The following MCTP1 variants were observed in gnomAD, a reference collection of about 807,000 sequenced individuals.
MCTP1 encodes the protein multiple C2 and transmembrane domain-containing protein 1.
Under a neutral mutation model 120.6 loss-of-function variants are expected in MCTP1, and 69 were observed. The observed-to-expected ratio is 0.57, with a 90% CI of 0.47 to 0.70. MCTP1 has a LOEUF of 0.70. MCTP1 is among the 30% of genes least tolerant of loss of function. MCTP1 has a pLI of 0.00. For synonymous variants in MCTP1, 529 were observed against 493.1 expected (o/e 1.07, Z -0.96); for missense variants, 1,203 against 1,248.8 (o/e 0.96, Z 0.55).
intron 1 of MCTP1, among the ~76,000 whole-genome samples, chr5:95,069,731 C>T: frequency 7.0e-6 from 1 of 142,040 alleles, no homozygotes; most frequent in South Asian, 2.2e-4. Context: ...CAAAGTCTTG[C>T]TTTGTCGCCC....
chr5:94,799,999 A>C (rs1780866801), intron 17 of MCTP1, among the ~76,000 whole-genome samples: 1 of 152,146 alleles, frequency 6.6e-6, no homozygotes, highest in African/African-American at 2.4e-5. Flanking sequence ...GGTAATGTTA[A>C]GTCAGGAGGC....
At chr5:95,202,381 C>G (rs991280505) in intron 1 of MCTP1, among the ~76,000 whole-genome samples, 7 of 152,132 alleles carry the variant, frequency 4.6e-5, no homozygotes, top group African/African-American at 1.7e-4. Context: ...TAAACTGAGC[C>G]ACACTACTGG....
At chr5:94,820,476 C>T (rs2153099809) in intron 17 of MCTP1, among the ~76,000 whole-genome samples, 1 of 152,300 alleles carries the variant, frequency 6.6e-6, no homozygotes, top group South Asian at 2.1e-4. Context: ...AAAATAATCA[C>T]AGTCATGCTC....
At chr5:94,783,659 T>C (rs974495083) in intron 18 of MCTP1, among the ~76,000 whole-genome samples, 3 of 152,078 alleles carry the variant, frequency 2.0e-5, no homozygotes, top group African/African-American at 7.2e-5. Flanking sequence ...CATTATGGGA[T>C]AGTGGATACT....
At chr5:95,139,467 C>A (rs1015226645) in intron 1 of MCTP1, among the ~76,000 whole-genome samples, 4 of 152,318 alleles carry the variant, frequency 2.6e-5, no homozygotes, top group South Asian at 2.1e-4. Flanking sequence ...GTTGCAATAT[C>A]TTTGCCTCTC....
chr5:94,725,124 AAAGCACAAGAAAATGTGG>A (rs1761846129), intron 19 of MCTP1, among the ~76,000 whole-genome samples: 1 of 152,218 alleles, frequency 6.6e-6, no homozygotes, highest in South Asian at 2.1e-4. Flanking sequence ...GGTTGAAAAT[AAAGCACAAGAAAATGTGG>A]AAGCACACTC....
chr5:95,003,233 T>G (rs1402142686), intron 2 of MCTP1, among the ~76,000 whole-genome samples: 2 of 152,194 alleles, frequency 1.3e-5, no homozygotes, highest in East Asian at 3.9e-4. Flanking sequence ...TATACACAGA[T>G]GTACCATTTT....
intron 1 of MCTP1, among the ~76,000 whole-genome samples, chr5:95,089,756 G>A (rs1161324137): frequency 1.3e-5 from 2 of 152,100 alleles, no homozygotes; most frequent in Admixed American, 6.5e-5. Flanking sequence ...TCCAGAAACT[G>A]CCATCCTGAG....
chr5:95,036,819 A>C (rs1841390274), intron 1 of MCTP1, among the ~76,000 whole-genome samples: 1 of 152,204 alleles, frequency 6.6e-6, no homozygotes, highest in Admixed American at 6.5e-5. Flanking sequence ...TTTTCTGAAT[A>C]GGAAATTAGC....
At chr5:95,242,067 C>T (rs1368286962) in intron 1 of MCTP1, among the ~76,000 whole-genome samples, 1 of 152,142 alleles carries the variant, frequency 6.6e-6, no homozygotes, top group Admixed American at 6.5e-5. Flanking sequence ...AAATGCTTAT[C>T]ATCATTTCAT....
chr5:94,838,114 T>C (rs1790222860), intron 17 of MCTP1, among the ~76,000 whole-genome samples: 1 of 152,198 alleles, frequency 6.6e-6, no homozygotes, highest in Admixed American at 6.5e-5. Flanking sequence ...CAACCTAAAA[T>C]TATACATTTA....
chr5:95,174,768 T>C, intron 1 of MCTP1, among the ~76,000 whole-genome samples: 1 of 152,210 alleles, frequency 6.6e-6, no homozygotes, highest in Admixed American at 6.5e-5. Flanking sequence ...AAGTAAGTAC[T>C]CAATAAACTG....
intron 2 of MCTP1, chr5:94,980,946 G>A (rs1258204068): frequency 6.6e-6 from 1 of 151,918 alleles, no homozygotes; most frequent in East Asian, 1.9e-4. Flanking sequence ...AAAAAGATAA[G>A]CAAAGCAAAA....
intron 1 of MCTP1, among the ~76,000 whole-genome samples, chr5:95,231,084 C>T (rs139868179): frequency 5.5e-4 from 83 of 152,204 alleles, no homozygotes; most frequent in African/African-American, 2.0e-3. Flanking sequence ...CATTTTATTG[C>T]TTTTTGCATA....
intron 1 of MCTP1, among the ~76,000 whole-genome samples, chr5:95,126,163 C>T (rs767675682): frequency 6.6e-6 from 1 of 152,148 alleles, no homozygotes; most frequent in South Asian, 2.1e-4. Flanking sequence ...GAATCTCTCA[C>T]CACCAGGCCT....
intron 1 of MCTP1, among the ~76,000 whole-genome samples, chr5:95,119,591 G>A (rs1582290672): frequency 6.6e-6 from 1 of 152,056 alleles, no homozygotes; most frequent in Admixed American, 6.6e-5. Flanking sequence ...CACAAAGTTG[G>A]TTTTTTGAAA....
chr5:95,247,552 G>T (rs1002067388), intron 1 of MCTP1, among the ~76,000 whole-genome samples: 23 of 152,016 alleles, frequency 1.5e-4, no homozygotes, highest in Non-Finnish European at 4.4e-5. Context: ...TCCTCTACAT[G>T]CTGCTTTAAA....
intron 10 of MCTP1, among the ~76,000 whole-genome samples, chr5:94,896,324 A>T (rs1803979256): frequency 6.6e-6 from 1 of 152,232 alleles, no homozygotes; most frequent in South Asian, 2.1e-4. Context: ...GATAGGGAGT[A>T]TAATACTAGA....
chr5:94,750,626 T>C (rs1768058588), intron 19 of MCTP1, among the ~76,000 whole-genome samples: 1 of 152,184 alleles, frequency 6.6e-6, no homozygotes, highest in African/African-American at 2.4e-5. Context: ...CATTTGAGCT[T>C]AGGGCTTAAC....
Sources: allele counts gnomAD v4.1 joint callset (sites outside exome capture counted in the v4.1 genomes callset), GRCh38; gene constraint gnomAD v4.1.1; transcripts MANE v1.5; gene names NCBI Gene and HGNC (gene_info 2026-07-23, HGNC 2026-07-21).